SLC16A6: variants seen among roughly 807,000 people sequenced by gnomAD.
The protein encoded by SLC16A6 is monocarboxylate transporter 7.
Under a neutral mutation model 33.8 loss-of-function variants are expected in SLC16A6, and 15 were observed. The ratio of observed to expected loss-of-function variants is 0.44; its 90% CI spans 0.30 to 0.68. SLC16A6 has a LOEUF of 0.68. Ranked by LOEUF, SLC16A6 falls within the 30% of genes least tolerant of loss-of-function variation. SLC16A6 has a pLI of 0.10. For synonymous variants in SLC16A6, 219 were observed against 248.4 expected (o/e 0.88, Z 1.11); for missense variants, 451 against 661.5 (o/e 0.68, Z 3.49).
chr17:68,285,350 C>T (rs564714318), intron 1 of SLC16A6, among the ~76,000 whole-genome samples: 2 of 152,156 alleles, frequency 1.3e-5, no homozygotes, highest in African/African-American at 2.4e-5. Context: ...TGCAGTGGCA[C>T]GATCATAGCT....
Position 68,271,050 on chromosome 17 carries a change from A to T in SLC16A6, c.1110T>A (p.Thr370=), listed in dbSNP as rs782499135. 5.0e-6 allele frequency: 8 copies of T among 1,614,122 alleles called. No individual in the cohort carries two copies. In the Admixed American group the frequency reaches 1.3e-4, roughly 27 times the overall value. The part of the protein sequence containing the change: ...YIELICVILL[T]VSLFAFTFAT... ...CAAAAGTAAAGGCAAACAGAGACAC[A>T]GTCAATAAGATGACGCAGATGAGCT... is the stretch of plus-strand genomic sequence containing the variant. Residue 370 remains threonine, a synonymous_variant, in exon 5 of 6, where the codon ACT becomes ACA. Coordinates refer to ENST00000580666, the MANE Select transcript of SLC16A6 (RefSeq NM_004694.5). The surrounding 1 kb of genome is among the most constrained non-coding windows in gnomAD (Gnocchi z 5.3).
chr17:68,283,683 A>G (rs886944197), intron 1 of SLC16A6, among the ~76,000 whole-genome samples: 51 of 151,490 alleles, frequency 3.4e-4, no homozygotes, highest in Non-Finnish European at 1.6e-4. Context: ...ATGATCCCTG[A>G]AAGTATAGTC....
At chr17:68,278,794 A>C (rs1555751883) in intron 1 of SLC16A6, among the ~76,000 whole-genome samples, 1 of 151,450 alleles carries the variant, frequency 6.6e-6, no homozygotes, top group Admixed American at 6.6e-5. Flanking sequence ...TAATTTTTGT[A>C]TTTTTAGTAG....
intron 1 of SLC16A6, among the ~76,000 whole-genome samples, chr17:68,289,375 A>C (rs539081047): frequency 1.1e-4 from 17 of 152,276 alleles, no homozygotes; most frequent in African/African-American, 3.6e-4. Context: ...TAATTTGTCG[A>C]GAGAAGATTT....
At chr17:68,281,809 C>T (rs1288399940) in intron 1 of SLC16A6, among the ~76,000 whole-genome samples, 3 of 152,040 alleles carry the variant, frequency 2.0e-5, no homozygotes, top group South Asian at 2.1e-4. Flanking sequence ...TATACACTGT[C>T]GGTGGGAATG....
At chr17:68,269,547 C>G (rs1182573706) in intron 5 of SLC16A6, among the ~76,000 whole-genome samples, 2 of 145,548 alleles carry the variant, frequency 1.4e-5, no homozygotes, top group Non-Finnish European at 3.0e-5. Flanking sequence ...TATACTTGTT[C>G]TTCTTGGGCT....
chr17:68,277,171 G>A (rs781797089), intron 2 of SLC16A6, among the ~76,000 whole-genome samples: 6 of 151,930 alleles, frequency 3.9e-5, no homozygotes, highest in Non-Finnish European at 5.9e-5. Context: ...TCACACTGTC[G>A]CCCAGGCTGG....
chr17:68,271,685 T>C lies in SLC16A6; in HGVS notation c.506-31A>G. 6.4e-7 allele frequency: 1 copy of C among 1,574,212 alleles called. No homozygotes were observed. Among genetic ancestry groups the C allele is most frequent in the Non-Finnish European group, 8.7e-7 (1 of 1,150,106 alleles). ...ATAGGCAGGAGTGAAGAAGAAATAA[T>C]ATAAGGTCAATAATGGACTCAAGAC... On this transcript the variant is annotated intron_variant, in intron 4 of 5. Transcript: ENST00000580666. This position sits in a 1 kb window ranked among gnomAD's most constrained non-coding sequence, Gnocchi z 5.3.
In SLC16A6 at chr17:68,271,775, TATACTC is replaced by T; in HGVS notation, c.506-127_506-122del. 1 of 721,958 alleles carries T rather than the reference TATACTC, an allele frequency of 1.4e-6. No homozygotes were observed. Among genetic ancestry groups the T allele is most frequent in the Non-Finnish European group, 2.3e-6 (1 of 435,956 alleles). 44.7% of individuals were successfully genotyped at this position (721,958 alleles called of 1,614,324 possible). A position where few individuals can be genotyped will look rare whatever the true frequency, so the allele number is the denominator to read the frequency against. On this transcript the variant is annotated intron_variant, in intron 4 of 5. Transcript: ENST00000580666. The surrounding 1 kb of genome is among the most constrained non-coding windows in gnomAD (Gnocchi z 5.3). Reference sequence around the variant, plus strand: ...TGTTATAAGTTCTGTGGAAATTTATTATACTCAGCAGTATGAATGTACTCAATCTTT... The same window carrying T: ...TGTTATAAGTTCTGTGGAAATTTATTAGCAGTATGAATGTACTCAATCTTT...
intron 1 of SLC16A6, among the ~76,000 whole-genome samples, chr17:68,286,052 C>T (rs2075835222): frequency 6.6e-6 from 1 of 152,164 alleles, no homozygotes; most frequent in African/African-American, 2.4e-5. Flanking sequence ...AGCCACCGCG[C>T]CTGGCATAAT....
In SLC16A6 at chr17:68,271,576, A is replaced by T. The variant is rs1471583055; in HGVS notation, c.584T>A (p.Ile195Asn). ...FVGLLQLNIV[I>N]FGALLRPIFI... The stretch of plus-strand genomic sequence containing the variant: ...GATGGGTCTGAGCAGTGCTCCGAAG[A>T]TGACAATGTTTAACTGTAGTAGGCC... The change falls in exon 5 of 6, where the codon ATC becomes AAC. Residue 195 changes from isoleucine (I) to asparagine (N), a missense_variant. Around this residue, in one of 2 missense-constraint regions of SLC16A6, gnomAD observed 405 missense variants for 510.7 expected, o/e 0.79. Transcript: ENST00000580666. This position sits in a 1 kb window ranked among gnomAD's most constrained non-coding sequence, Gnocchi z 5.3. The T allele has an allele frequency of 6.2e-7, 1 of 1,614,090 alleles. No homozygotes were observed. The highest frequency in any genetic ancestry group is 1.3e-5 in the African/African-American group (1 of 74,938).
chr17:68,282,778 C>CAAAAAA (rs1555753213), intron 1 of SLC16A6, among the ~76,000 whole-genome samples: 1 of 31,518 alleles, frequency 3.2e-5, no homozygotes, highest in Non-Finnish European at 5.4e-5. Context: ...CCCATCTCTA[C>CAAAAAA]TAAAAAAAAA....
At chr17:68,283,522 GAAA>G in intron 1 of SLC16A6, among the ~76,000 whole-genome samples, 1 of 112,200 alleles carries the variant, frequency 8.9e-6, no homozygotes, top group African/African-American at 3.4e-5. Context: ...CTCCGTATCA[GAAA>G]AAAAAAAAAA....
At position 68,268,765 on chromosome 17, in the gene SLC16A6, A is replaced by G. The variant is rs544095709; in HGVS notation, c.*331T>C. ...TGAAAGCTTTTAAAACCACTTTGCC[A>G]GTTCATGTCACTATTTTAATATCGG... On this transcript the variant is annotated 3_prime_UTR_variant, in exon 6 of 6. Coordinates refer to ENST00000580666, the MANE Select transcript of SLC16A6 (RefSeq NM_004694.5). 1.2e-4 allele frequency: 31 copies of G among 253,728 alleles called. No homozygotes were observed. Among genetic ancestry groups the G allele is most frequent in the African/African-American group, 6.5e-4 (29 of 44,820 alleles). 15.7% of individuals were successfully genotyped at this position (253,728 alleles called of 1,614,324 possible).
At position 68,271,145 on chromosome 17, in the gene SLC16A6, C is replaced by T. The variant is rs377394392; in HGVS notation, c.1015G>A (p.Ala339Thr). ...AAFLLSTMAI[A>T]EVFGRIGAGF... ...GCTCCGATCCTTCCGAAAACTTCTG[C>T]AATGGCCATCGTAGATAATAAAAAA... The change falls in exon 5 of 6, where the codon GCA becomes ACA. Residue 339 changes from alanine (A) to threonine (T), a missense_variant. By Grantham distance (58) the Ala-to-Thr change is moderately conservative. Coordinates refer to ENST00000580666, the MANE Select transcript of SLC16A6 (RefSeq NM_004694.5). The surrounding 1 kb of genome is among the most constrained non-coding windows in gnomAD (Gnocchi z 5.3). 70 of 1,614,048 alleles carry T rather than the reference C, an allele frequency of 4.3e-5. No individual in the cohort carries two copies. Among genetic ancestry groups the T allele is most frequent in the Non-Finnish European group, 5.9e-5 (70 of 1,180,052 alleles).
chr17:68,278,751 C>T (rs957645120), intron 1 of SLC16A6, among the ~76,000 whole-genome samples: 1 of 151,552 alleles, frequency 6.6e-6, no homozygotes, highest in African/African-American at 2.4e-5. Flanking sequence ...TCCCGAGTAG[C>T]TGGGATTACA....
At chr17:68,280,864 G>A (rs191253639) in intron 1 of SLC16A6, among the ~76,000 whole-genome samples, 4 of 152,236 alleles carry the variant, frequency 2.6e-5, no homozygotes, top group East Asian at 1.9e-4. Flanking sequence ...AGTGTGTCAC[G>A]CTATAATCCC....
chr17:68,280,878 A>C (rs1210217541), intron 1 of SLC16A6, among the ~76,000 whole-genome samples: 2 of 152,228 alleles, frequency 1.3e-5, no homozygotes, highest in Non-Finnish European at 2.9e-5. Context: ...TAATCCCAGC[A>C]CTTCGGGATG....
At chr17:68,278,618 T>C (rs112790842) in intron 1 of SLC16A6, among the ~76,000 whole-genome samples, 4 of 30,330 alleles carry the variant, frequency 1.3e-4, no homozygotes, top group African/African-American at 7.9e-4. Flanking sequence ...TTCTTTTTCC[T>C]TTTTTTTTTT....
Sources: allele counts gnomAD v4.1 joint callset (sites outside exome capture counted in the v4.1 genomes callset), GRCh38; gene constraint gnomAD v4.1.1; regional missense constraint gnomAD v4.1.1; non-coding constraint Gnocchi (gnomAD v3.1); transcripts MANE v1.5; gene names NCBI Gene and HGNC (gene_info 2026-07-23, HGNC 2026-07-21).